The following PCDHA4 variants were observed in gnomAD, a reference collection of about 807,000 sequenced individuals.
PCDHA4 encodes protocadherin alpha-4.
In PCDHA4, 49 loss-of-function variants were observed where a neutral mutation model predicts 61.4. The ratio of observed to expected loss-of-function variants is 0.80; its 90% CI spans 0.63 to 1.01. The LOEUF (loss-of-function observed/expected upper bound fraction) is 1.01. Ranked by LOEUF, PCDHA4 falls within the 50% of genes least tolerant of loss-of-function variation. The pLI, the probability that PCDHA4 is intolerant of heterozygous loss-of-function variation, is 0.00. For missense variants in PCDHA4, 1,254 were observed against 1,235.8 expected, an observed-to-expected ratio of 1.01 and a Z score of -0.22; for synonymous variants, 590 against 550.3, an observed-to-expected ratio of 1.07 and a Z score of -1.01.
intron 1 of PCDHA4, among the ~76,000 whole-genome samples, chr5:140,880,234 G>T (rs560785672): frequency 1.8e-4 from 28 of 152,250 alleles, no homozygotes; most frequent in Non-Finnish European, 2.8e-4. Context: ...TTAAATTAGT[G>T]TATGTGCGTG....
At chr5:140,927,212 T>C (rs150770754) in intron 1 of PCDHA4, 20 of 1,614,012 alleles carry the variant, frequency 1.2e-5, no homozygotes, top group African/African-American at 1.1e-4. Flanking sequence ...CCGCTGGAGC[T>C]GCACAAGATT....
intron 1 of PCDHA4, among the ~76,000 whole-genome samples, chr5:140,959,108 C>T (rs1299073504): frequency 1.3e-5 from 2 of 151,918 alleles, no homozygotes; most frequent in East Asian, 3.9e-4. Flanking sequence ...AGCAGGGGTC[C>T]GAAGGTGGGC....
chr5:140,945,000 G>A (rs980802301), intron 1 of PCDHA4, among the ~76,000 whole-genome samples: 3 of 151,862 alleles, frequency 2.0e-5, no homozygotes, highest in African/African-American at 7.3e-5. Context: ...AACGGTTGTG[G>A]GTCATGAATT....
chr5:140,966,740 C>CGGCT (rs2096047340), intron 1 of PCDHA4: 1 of 1,422,580 alleles, frequency 7.0e-7, no homozygotes, highest in African/African-American at 1.5e-5. Flanking sequence ...CGGCCCTGCC[C>CGGCT]GGCTGCCTCC....
chr5:140,862,341 T>G, intron 1 of PCDHA4: 1 of 331,140 alleles, frequency 3.0e-6, no homozygotes, highest in Non-Finnish European at 6.0e-6. Flanking sequence ...GACCCTAACT[T>G]CAGTGCCAAG....
intron 2 of PCDHA4, chr5:140,982,224 A>C: frequency 1.7e-6 from 1 of 587,320 alleles, no homozygotes; most frequent in South Asian, 3.8e-5. Flanking sequence ...TGGCGTTAAT[A>C]AAAAACAGAA....
chr5:140,977,543 A>G (rs905389015), intron 1 of PCDHA4, among the ~76,000 whole-genome samples: 3 of 152,224 alleles, frequency 2.0e-5, no homozygotes. Context: ...AGCAGCTTGC[A>G]TATGCATATC....
At chr5:141,008,347 G>A (rs551037675) in intron 3 of PCDHA4, among the ~76,000 whole-genome samples, 7 of 152,244 alleles carry the variant, frequency 4.6e-5, no homozygotes, top group South Asian at 2.1e-4. Flanking sequence ...AGCTTTTCAC[G>A]TGTCAACCAA....
intron 1 of PCDHA4, chr5:140,857,678 C>G (rs1554150504): frequency 1.3e-6 from 2 of 1,597,010 alleles, no homozygotes; most frequent in African/African-American, 1.3e-5. Flanking sequence ...CGTGCCGCCT[C>G]TGGGCAGCAA....
rs782508103 is a variant in PCDHA4, at chr5:140,856,192, G to T, written c.2385+46620G>T. ...ACGGCACCTTCGTGGGCCGCATCGCGCAGGACCTGGGGCTGGAGCTGGCGG... is the reference window on the plus strand; with the variant it reads ...ACGGCACCTTCGTGGGCCGCATCGCTCAGGACCTGGGGCTGGAGCTGGCGG... On this transcript the variant is annotated intron_variant, in intron 1 of 3. Coordinates refer to ENST00000530339, the MANE Select transcript of PCDHA4 (RefSeq NM_018907.4). The T allele has an allele frequency of 3.7e-5, 59 of 1,598,180 alleles. 4 individuals carry two copies. Among genetic ancestry groups the T allele is most frequent in the South Asian group, 2.8e-4 (25 of 90,510 alleles).
intron 1 of PCDHA4, chr5:140,871,303 G>T: frequency 6.2e-7 from 1 of 1,613,972 alleles, no homozygotes; most frequent in Non-Finnish European, 8.5e-7. Flanking sequence ...GTGCGCGCCG[G>T]GGAAGCCCAC....
chr5:140,881,538 C>CT lies in PCDHA4; in HGVS notation c.2385+71969dup, dbSNP rs1216394306. ...AAATCCCACACATATTGACTGAACA[C>CT]TTTCTTTTGAATATAAATATCTTAT... On this transcript the variant is annotated intron_variant, in intron 1 of 3. Transcript: ENST00000530339. Among the ~76,000 whole-genome samples, 3 of 152,196 alleles carry CT rather than the reference C, an allele frequency of 2.0e-5. No homozygotes were observed. In the East Asian group the frequency reaches 5.8e-4, roughly 29 times the overall value.
At chr5:140,883,367 G>A (rs782044159) in intron 1 of PCDHA4, 2 of 1,614,124 alleles carry the variant, frequency 1.2e-6, no homozygotes, top group East Asian at 2.2e-5. Context: ...TCAGCCTAGC[G>A]CCATTATTGC....
chr5:140,925,282 T>C (rs1371569064), intron 1 of PCDHA4, among the ~76,000 whole-genome samples: 1 of 152,184 alleles, frequency 6.6e-6, no homozygotes, highest in Admixed American at 6.5e-5. Context: ...GATTTTGCCT[T>C]TCAAATGTTT....
chr5:140,821,896 G>A (rs2150111704), intron 1 of PCDHA4: 3 of 1,614,236 alleles, frequency 1.9e-6, no homozygotes, highest in Non-Finnish European at 2.5e-6. Context: ...AGCCAAACAC[G>A]GAACCTTCGT....
At position 140,807,548 on chromosome 5, in the gene PCDHA4, G is replaced by T; in HGVS notation, c.361G>T (p.Val121Leu). The T allele has an allele frequency of 1.2e-6, 2 of 1,614,176 alleles. No homozygotes were observed. The highest frequency in any genetic ancestry group is 1.6e-4 in the Middle Eastern group (1 of 6,062). The change falls in exon 1 of 4, where the codon GTG becomes TTG. Residue 121 changes from valine (V) to leucine (L), a missense_variant. Coordinates refer to ENST00000530339, the MANE Select transcript of PCDHA4 (RefSeq NM_018907.4). ...DRPLQVFHVDVEVRDINDNPP... is the reference protein window; with the variant it reads ...DRPLQVFHVDLEVRDINDNPP... ...GCCGCTGCAGGTTTTCCATGTGGAC[G>T]TGGAGGTGAGGGACATTAACGATAA...
At chr5:140,967,894 G>A (rs1586251835) in intron 1 of PCDHA4, 5 of 1,614,192 alleles carry the variant, frequency 3.1e-6, no homozygotes, top group Non-Finnish European at 3.4e-6. Context: ...CAGTGCCTGA[G>A]AATGCTACAC....
intron 3 of PCDHA4, among the ~76,000 whole-genome samples, chr5:141,000,421 A>ATT (rs34755515): frequency 0.021 from 589 of 27,976 alleles, 60 homozygotes; most frequent in Middle Eastern, 0.062. Flanking sequence ...ATATATATAT[A>ATT]TTTTTTTTTT....
intron 1 of PCDHA4, among the ~76,000 whole-genome samples, chr5:140,890,783 A>G (rs150043569): frequency 1.3e-5 from 2 of 152,302 alleles, no homozygotes; most frequent in African/African-American, 4.8e-5. Context: ...CCCATAAGAT[A>G]TTAGTATTAT....
Sources: gnomAD v4.1 joint callset for allele counts (sites outside exome capture counted in the v4.1 genomes callset) on GRCh38, gnomAD v4.1.1 for gene constraint, MANE v1.5 for transcripts, NCBI Gene and HGNC (gene_info 2026-07-23, HGNC 2026-07-21) for gene names.